The following DAB1 variants were observed in gnomAD, a reference collection of about 807,000 sequenced individuals.
The protein encoded by DAB1 is DAB adaptor protein 1.
Under a neutral mutation model 64.6 loss-of-function variants are expected in DAB1, and 15 were observed. That is an observed-to-expected ratio of 0.23 (90% CI 0.16 to 0.36). DAB1 has a LOEUF of 0.36. DAB1 is among the 10% of genes least tolerant of loss of function. The pLI, the probability that DAB1 is intolerant of heterozygous loss-of-function variation, is 1.00. For missense variants in DAB1, 596 were observed against 706.7 expected (o/e 0.84, Z 1.78); for synonymous variants, 235 against 251.9 (o/e 0.93, Z 0.64).
At chr1:57,848,566 T>C (rs1455450858) in intron 1 of DAB1, among the ~76,000 whole-genome samples, 1 of 152,076 alleles carries the variant, frequency 6.6e-6, no homozygotes, top group African/African-American at 2.4e-5. Flanking sequence ...GGGACAGGGA[T>C]GGTTGTGTTA....
chr1:57,507,324 CCT>C (rs1644355762), intron 7 of DAB1, among the ~76,000 whole-genome samples: 3 of 152,174 alleles, frequency 2.0e-5, no homozygotes, highest in Non-Finnish European at 1.5e-5. Context: ...TGTATTCACT[CCT>C]CTCTCTTTGC....
chr1:57,340,876 C>A (rs1677518881), intron 1 of DAB1, among the ~76,000 whole-genome samples: 1 of 152,220 alleles, frequency 6.6e-6, no homozygotes, highest in South Asian at 2.1e-4. Context: ...ACAAGTCCCA[C>A]ACTGAACACT....
chr1:57,578,868 G>A (rs938954294), intron 7 of DAB1, among the ~76,000 whole-genome samples: 5 of 152,214 alleles, frequency 3.3e-5, no homozygotes, highest in African/African-American at 1.2e-4. Flanking sequence ...TCTCTGAAGT[G>A]AGACAGTCAA....
chr1:57,480,307 T>A (rs1036235719), intron 7 of DAB1, among the ~76,000 whole-genome samples: 2 of 152,118 alleles, frequency 1.3e-5, no homozygotes, highest in African/African-American at 2.4e-5. Context: ...GGGCTCTAGC[T>A]TAGATGGGAT....
At chr1:58,543,988 C>T (rs1289903974) in intron 1 of DAB1, among the ~76,000 whole-genome samples, 1 of 152,146 alleles carries the variant, frequency 6.6e-6, no homozygotes, top group Non-Finnish European at 1.5e-5. Context: ...TCTACTGTAT[C>T]GCACAGTACA....
intron 6 of DAB1, among the ~76,000 whole-genome samples, chr1:57,764,575 C>T (rs903364538): frequency 2.0e-5 from 3 of 152,152 alleles, no homozygotes; most frequent in Admixed American, 6.6e-5. Flanking sequence ...TCTCCCTATC[C>T]GTCTTGTCCT....
chr1:58,070,170 T>A (rs1165949018), intron 5 of DAB1, among the ~76,000 whole-genome samples: 1 of 151,988 alleles, frequency 6.6e-6, no homozygotes, highest in Non-Finnish European at 1.5e-5. Flanking sequence ...ATGCGGGGAG[T>A]GGCATTCTGC....
intron 4 of DAB1, among the ~76,000 whole-genome samples, chr1:58,151,145 A>G (rs1654912412): frequency 6.6e-6 from 1 of 152,216 alleles, no homozygotes; most frequent in South Asian, 2.1e-4. Context: ...TAGTGCCGCA[A>G]TAAACATATG....
At chr1:57,998,650 C>CA (rs1646464313) in intron 5 of DAB1, among the ~76,000 whole-genome samples, 1 of 152,142 alleles carries the variant, frequency 6.6e-6, no homozygotes, top group African/African-American at 2.4e-5. Context: ...AGGCATGAGC[C>CA]TCACTCCCAG....
intron 4 of DAB1, among the ~76,000 whole-genome samples, chr1:58,241,349 C>T (rs1156896429): frequency 2.2e-5 from 3 of 138,294 alleles, no homozygotes; most frequent in African/African-American, 5.7e-5. Flanking sequence ...TCATTTCCTA[C>T]AATCCATTGT....
intron 5 of DAB1, among the ~76,000 whole-genome samples, chr1:57,938,773 C>A (rs10157626): frequency 0.4 from 61,161 of 151,682 alleles, 13,479 homozygotes; most frequent in Admixed American, 0.51. Context: ...TCCCCAGGCC[C>A]CCTGGAGGTA....
At chr1:58,074,736 G>A (rs1172962513) in intron 5 of DAB1, among the ~76,000 whole-genome samples, 2 of 151,732 alleles carry the variant, frequency 1.3e-5, no homozygotes, top group African/African-American at 2.4e-5. Context: ...GATACTGCCA[G>A]TATGAAGTGT....
upstream of DAB1, among the ~76,000 whole-genome samples, chr1:57,424,551 C>T (rs1015595623): frequency 1.3e-5 from 2 of 152,194 alleles, no homozygotes; most frequent in African/African-American, 2.4e-5. Flanking sequence ...GGACGCAGCT[C>T]CGCCTGGCCT....
intron 1 of DAB1, chr1:57,862,403 C>A (rs2101943857): frequency 6.6e-6 from 1 of 152,202 alleles, no homozygotes; most frequent in South Asian, 2.1e-4. Context: ...CATCATTGAA[C>A]TGAAATTACA....
chr1:57,019,334 GT>G (rs1363950803), intron 11 of DAB1, among the ~76,000 whole-genome samples: 4 of 152,100 alleles, frequency 2.6e-5, no homozygotes, highest in South Asian at 2.1e-4. Context: ...TTGGTGGCAG[GT>G]TTTTTTTCCC....
intron 11 of DAB1, among the ~76,000 whole-genome samples, chr1:57,022,284 T>A (rs1646647175): frequency 6.6e-6 from 1 of 152,214 alleles, no homozygotes; most frequent in Non-Finnish European, 1.5e-5. Flanking sequence ...AGAAGGGTGG[T>A]GCATTTCTGA....
In DAB1 at chr1:58,210,454, C is replaced by A. The variant is rs572267460; in HGVS notation, n.310-59866G>T. On this transcript the variant is annotated intron_variant and non_coding_transcript_variant, in intron 4 of 20. Transcript: ENST00000485760. The stretch of plus-strand genomic sequence containing the variant: ...AGAAACATTTTGGACTTTATTCTCC[C>A]CACCTACCCCCAACACACAAGTGAA... Among the ~76,000 whole-genome samples the A allele has an allele frequency of 2.6e-3, 393 of 152,252 alleles. 3 individuals carry two copies. Among genetic ancestry groups the A allele is most frequent in the African/African-American group, 9.2e-3 (382 of 41,550 alleles).
chr1:58,110,185 C>T (rs1250341162), intron 5 of DAB1, among the ~76,000 whole-genome samples: 1 of 152,220 alleles, frequency 6.6e-6, no homozygotes, highest in East Asian at 1.9e-4. Context: ...TTCTAATTGT[C>T]CCTGAAGCCA....
chr1:58,075,072 C>T (rs924528623), intron 5 of DAB1, among the ~76,000 whole-genome samples: 23 of 152,154 alleles, frequency 1.5e-4, no homozygotes, highest in Non-Finnish European at 2.8e-4. Flanking sequence ...ATAACTTTAT[C>T]TGCTCTTTAG....
Sources: gnomAD v4.1 joint callset for allele counts (sites outside exome capture counted in the v4.1 genomes callset) on GRCh38, gnomAD v4.1.1 for gene constraint, MANE v1.5 for transcripts, NCBI Gene and HGNC (gene_info 2026-07-23, HGNC 2026-07-21) for gene names.